The following FBN2 variants were observed in gnomAD, a reference collection of about 807,000 sequenced individuals.
FBN2 encodes fibrillin-2.
Under a neutral mutation model 355.6 loss-of-function variants are expected in FBN2, and 105 were observed. That is an observed-to-expected ratio of 0.30 (90% CI 0.25 to 0.35). FBN2 has a LOEUF of 0.35. Among genes scored for constraint, FBN2 ranks in the 10% least tolerant of loss-of-function variants. The pLI is 1.00. For missense variants in FBN2, 3,280 were observed against 3,758.7 expected (o/e 0.87, Z 3.33); for synonymous variants, 1,350 against 1,301.2 (o/e 1.04, Z -0.81).
intron 4 of FBN2, among the ~76,000 whole-genome samples, chr5:128,524,990 G>A (rs191523254): frequency 8.1e-4 from 124 of 152,206 alleles, no homozygotes; most frequent in African/African-American, 2.4e-3. Flanking sequence ...TTTTAGAAGC[G>A]GAAAGTCCTT....
chr5:128,380,565 C>T (rs1246981515), intron 11 of FBN2, among the ~76,000 whole-genome samples: 1 of 152,070 alleles, frequency 6.6e-6, no homozygotes, highest in Non-Finnish European at 1.5e-5. Flanking sequence ...TCCTGAGCCC[C>T]TCAGGGACTC....
chr5:128,339,457 A>C (rs1007945062), intron 25 of FBN2, among the ~76,000 whole-genome samples: 6 of 152,062 alleles, frequency 3.9e-5, no homozygotes, highest in Non-Finnish European at 8.8e-5. Context: ...TCTACAAAAA[A>C]AAAATTATTG....
chr5:128,403,310 A>G (rs1390345956), intron 8 of FBN2, among the ~76,000 whole-genome samples: 1 of 152,220 alleles, frequency 6.6e-6, no homozygotes, highest in Non-Finnish European at 1.5e-5. Context: ...CCACAGCAGT[A>G]TTGTGCACTA....
intron 39 of FBN2, among the ~76,000 whole-genome samples, chr5:128,310,990 G>C (rs1203501500): frequency 6.6e-6 from 1 of 151,998 alleles, no homozygotes; most frequent in South Asian, 2.1e-4. Context: ...TTTTTCCTAT[G>C]TAAAATGTAA....
intron 15 of FBN2, chr5:128,371,244 C>T (rs1165449606): frequency 6.6e-6 from 1 of 152,122 alleles, no homozygotes; most frequent in African/African-American, 2.4e-5. Flanking sequence ...AATTGGCAAC[C>T]TAGCTCATAT....
At chr5:128,493,252 G>A (rs1021409692) in intron 5 of FBN2, among the ~76,000 whole-genome samples, 6 of 152,170 alleles carry the variant, frequency 3.9e-5, no homozygotes, top group African/African-American at 1.4e-4. Context: ...TCCAGGCAGC[G>A]ATGGCACCAA....
At chr5:128,380,661 C>T (rs1233791671) in intron 11 of FBN2, among the ~76,000 whole-genome samples, 2 of 152,050 alleles carry the variant, frequency 1.3e-5, no homozygotes, top group Admixed American at 6.6e-5. Context: ...AGTGACTTTA[C>T]AATTCCATAT....
intron 6 of FBN2, among the ~76,000 whole-genome samples, chr5:128,459,953 G>A (rs1162164520): frequency 3.9e-5 from 6 of 152,192 alleles, no homozygotes; most frequent in Admixed American, 3.9e-4. Context: ...AGTATTGGAA[G>A]TTCTGACCAG....
intron 48 of FBN2, among the ~76,000 whole-genome samples, chr5:128,294,764 A>C (rs1291240753): frequency 6.7e-6 from 1 of 149,684 alleles, no homozygotes; most frequent in African/African-American, 2.5e-5. Context: ...GGTTGCGAAA[A>C]TTTTCTCCCA....
chr5:128,281,603 C>G (rs1264888428), intron 55 of FBN2, among the ~76,000 whole-genome samples: 1 of 152,166 alleles, frequency 6.6e-6, no homozygotes, highest in African/African-American at 2.4e-5. Flanking sequence ...TTACTGGTTT[C>G]TTGGCTCACC....
At chr5:128,449,465 A>G (rs1020495419) in intron 6 of FBN2, among the ~76,000 whole-genome samples, 1 of 144,576 alleles carries the variant, frequency 6.9e-6, no homozygotes, top group Non-Finnish European at 1.5e-5. Flanking sequence ...ATATAATAGT[A>G]TACTATTAAA....
rs1017338645 is a variant in FBN2, at chr5:128,303,628, T to C, written c.5801-539A>G. Among the ~76,000 whole-genome samples the C allele has an allele frequency of 7.9e-5, 12 of 152,118 alleles. No homozygotes were observed. The East Asian group carries it at 1.2e-3, about 15-fold the overall frequency. On this transcript the variant is annotated intron_variant, in intron 45 of 64. Transcript: ENST00000262464. ...ATATTTAGAAAGGTCATTCATCATA[T>C]GAGACAGCAGACTCCCCAACTATGA...
intron 25 of FBN2, among the ~76,000 whole-genome samples, chr5:128,342,676 G>A (rs1209586873): frequency 6.6e-6 from 1 of 152,086 alleles, no homozygotes; most frequent in African/African-American, 2.4e-5. Context: ...AATCCAGGTA[G>A]AGCATCACAC....
At chr5:128,471,285 A>G (rs1268450116) in intron 5 of FBN2, among the ~76,000 whole-genome samples, 2 of 152,090 alleles carry the variant, frequency 1.3e-5, no homozygotes, top group Non-Finnish European at 2.9e-5. Flanking sequence ...GTTATAATTG[A>G]GAATCTAAAA....
chr5:128,395,139 C>G lies in FBN2; in HGVS notation c.1214G>C (p.Cys405Ser). The stretch of plus-strand genomic sequence containing the variant: ...CCACGTACCAGAACCTCTGACAGGA[C>G]AGGCTTCAGGAATGGTTCCGATGCC... ...CWGIGTIPEA[C>S]PVRGSEEYRR... Residue 405 changes from cysteine (C) to serine (S), a missense_variant, in exon 9 of 65, where the codon TGT becomes TCT. Transcript: ENST00000262464. 2 of 1,614,136 alleles carry G rather than the reference C, an allele frequency of 1.2e-6. No homozygotes were observed. Among genetic ancestry groups the G allele is most frequent in the Non-Finnish European group, 1.7e-6 (2 of 1,179,988 alleles).
chr5:128,289,992 T>A, intron 50 of FBN2, 45 bp from the exon 51 acceptor site: 1 of 1,122,064 alleles, frequency 8.9e-7, no homozygotes, highest in Non-Finnish European at 1.4e-6. Context: ...GACTTGAAAT[T>A]ATCAAAGAAC....
chr5:128,498,918 C>T (rs1242407272), intron 5 of FBN2, among the ~76,000 whole-genome samples: 1 of 152,162 alleles, frequency 6.6e-6, no homozygotes, highest in Non-Finnish European at 1.5e-5. Flanking sequence ...TTTTAAAAAA[C>T]TAGATAAAGC....
intron 6 of FBN2, among the ~76,000 whole-genome samples, chr5:128,458,464 A>T (rs1186713912): frequency 6.6e-6 from 1 of 151,646 alleles, no homozygotes; most frequent in Non-Finnish European, 1.5e-5. Flanking sequence ...TGGACCTACT[A>T]GATGCCTACA....
At chr5:128,386,132 G>A (rs902590502) in intron 11 of FBN2, among the ~76,000 whole-genome samples, 8 of 151,760 alleles carry the variant, frequency 5.3e-5, no homozygotes, top group Non-Finnish European at 1.0e-4. Context: ...CTAGGTTTTC[G>A]TCTAGAGTTT....
Sources: gnomAD v4.1 joint callset for allele counts (sites outside exome capture counted in the v4.1 genomes callset) on GRCh38, gnomAD v4.1.1 for gene constraint, MANE v1.5 for transcripts, NCBI Gene and HGNC (gene_info 2026-07-23, HGNC 2026-07-21) for gene names.